The following HEATR4 variants were observed in gnomAD, a reference collection of about 807,000 sequenced individuals.
The protein encoded by HEATR4 is HEAT repeat-containing protein 4.
In HEATR4, 95 loss-of-function variants were observed where a neutral mutation model predicts 108.8. That is an observed-to-expected ratio of 0.87 (90% CI 0.74 to 1.04). The LOEUF (loss-of-function observed/expected upper bound fraction) is 1.04. Among genes scored for constraint, HEATR4 ranks in the 50% least tolerant of loss-of-function variants. The probability of loss-of-function intolerance (pLI) is 0.00; values close to 1 mark genes in which losing one functional copy is unlikely to be tolerated. For synonymous variants in HEATR4, 443 were observed against 459.4 expected (o/e 0.96, Z 0.46); for missense variants, 1,152 against 1,253.8 (o/e 0.92, Z 1.23).
At chr14:73,628,107 C>G in the HEATR4 span, among the ~76,000 whole-genome samples, 1 of 152,122 alleles carries the variant, frequency 6.6e-6, no homozygotes, top group Non-Finnish European at 1.5e-5. Context: ...CTGTGTCTGG[C>G]TTTCAATTCT....
the HEATR4 span, among the ~76,000 whole-genome samples, chr14:73,632,172 G>A: frequency 1.3e-5 from 2 of 151,164 alleles, no homozygotes; most frequent in South Asian, 2.1e-4. Flanking sequence ...TGGGGGTCTC[G>A]TTATGTTGCC....
Position 73,509,870 on chromosome 14 carries a change from T to TA in HEATR4, c.1559-398_1559-397insT, listed in dbSNP as rs1887127494. On this transcript the variant is annotated intron_variant, in intron 7 of 17. Coordinates refer to ENST00000553558, the MANE Select transcript of HEATR4 (RefSeq NM_001220484.1). The stretch of plus-strand genomic sequence containing the variant: ...TATATATATATATATATATATATAT[T>TA]TATTTATTTTATATATTTTTTGAGA... Among the ~76,000 whole-genome samples, 18 of 65,120 alleles carry TA rather than the reference T, an allele frequency of 2.8e-4. 2 individuals carry two copies. Among genetic ancestry groups the TA allele is most frequent in the Non-Finnish European group, 4.3e-4 (13 of 30,484 alleles). The allele number at this position is 65,120 out of a possible 152,430, so 42.7% of individuals were successfully genotyped here. A position where few individuals can be genotyped will look rare whatever the true frequency, so the allele number is the denominator to read the frequency against.
At chr14:73,519,493 C>G (rs1887840331) in intron 4 of HEATR4, among the ~76,000 whole-genome samples, 1 of 152,148 alleles carries the variant, frequency 6.6e-6, no homozygotes, top group Non-Finnish European at 1.5e-5. Flanking sequence ...CACCTGTAAT[C>G]TCAGCACTTT....
chr14:73,560,340 A>C (rs1380460818), upstream of HEATR4, among the ~76,000 whole-genome samples: 1 of 152,044 alleles, frequency 6.6e-6, no homozygotes, highest in African/African-American at 2.4e-5. Context: ...GACCCCCATA[A>C]AAAGCAGAGG....
chr14:73,506,804 G>GTTTTTTTTTTTTTTTTTTTTTTT lies in HEATR4; in HGVS notation c.1882-234_1882-233insAAAAAAAAAAAAAAAAAAAAAAA, dbSNP rs34660727. 8.8e-4 allele frequency among the ~76,000 whole-genome samples: 71 copies of GTTTTTTTTTTTTTTTTTTTTTTT among 80,488 alleles called. 6 individuals carry two copies. The highest frequency in any genetic ancestry group is 4.0e-3 in the East Asian group (7 of 1,738). 52.8% of individuals were successfully genotyped at this position (80,488 alleles called of 152,430 possible). A position where few individuals can be genotyped will look rare whatever the true frequency, so the allele number is the denominator to read the frequency against. ...GGACCTTCCTTTCCTGACTTTAACT[G>GTTTTTTTTTTTTTTTTTTTTTTT]TTTTTTTTTTTTTTTTTTTTTCTGA... On this transcript the variant is annotated intron_variant, in intron 9 of 17. Transcript: ENST00000553558.
chr14:73,595,269 A>G, the HEATR4 span: 2 of 1,614,102 alleles, frequency 1.2e-6, no homozygotes, highest in African/African-American at 2.7e-5. Context: ...GACATTGTGG[A>G]TATAAGGAAT....
In HEATR4 at chr14:73,558,768, C is replaced by T. The variant is rs1403518473; in HGVS notation, c.-169G>A. On this transcript the variant is annotated 5_prime_UTR_variant, in exon 1 of 18. Coordinates refer to ENST00000553558, the MANE Select transcript of HEATR4 (RefSeq NM_001220484.1). ...GTACTGACCCTTTTGACACCTAATC[C>T]AAAGTTTTTTCAGCTACCTCAGGTT... 6.6e-6 allele frequency: 1 copy of T among 150,920 alleles called. No individual in the cohort carries two copies. Among genetic ancestry groups the T allele is most frequent in the Non-Finnish European group, 1.5e-5 (1 of 67,696 alleles). The allele number at this position is 150,920 out of a possible 1,614,324, so 9.3% of individuals were successfully genotyped here.
the HEATR4 span, among the ~76,000 whole-genome samples, chr14:73,600,858 G>A: frequency 0.18 from 27,703 of 152,016 alleles, 4,401 homozygotes; most frequent in African/African-American, 0.43. Flanking sequence ...GAACTTCTCG[G>A]CCAGGCGTGC....
intron 17 of HEATR4, among the ~76,000 whole-genome samples, chr14:73,487,184 C>CA (rs34910198): frequency 0.48 from 64,654 of 135,214 alleles, 16,262 homozygotes; most frequent in African/African-American, 0.54. Flanking sequence ...TGATTCAAAA[C>CA]AAAAAAAAAA....
chr14:73,550,534 G>A (rs7159371), intron 1 of HEATR4, among the ~76,000 whole-genome samples: 9,676 of 112,972 alleles, frequency 0.086, 2,284 homozygotes, highest in African/African-American at 0.25. Flanking sequence ...CCCGGAACAT[G>A]CTTATTAGCA....
the HEATR4 span, chr14:73,619,599 A>G: frequency 9.9e-6 from 16 of 1,614,114 alleles, no homozygotes; most frequent in African/African-American, 1.3e-4. Context: ...CTGAAAGGCT[A>G]CAAGCTCATG....
chr14:73,612,540 A>G, the HEATR4 span: 120 of 1,258,968 alleles, frequency 9.5e-5, no homozygotes, highest in Non-Finnish European at 1.2e-4. Context: ...GACTCCGCGG[A>G]GCTGGGTCGC....
intron 17 of HEATR4, among the ~76,000 whole-genome samples, chr14:73,487,476 G>C (rs936884458): frequency 7.9e-5 from 12 of 152,132 alleles, no homozygotes; most frequent in African/African-American, 2.7e-4. Flanking sequence ...TGAGGCAGGA[G>C]AAAATTGCTT....
At chr14:73,514,316 C>T in intron 5 of HEATR4, 82 bp from the exon 6 acceptor site, 1 of 1,293,098 alleles carries the variant, frequency 7.7e-7, no homozygotes, top group Non-Finnish European at 1.1e-6. Flanking sequence ...GCATCCCATT[C>T]CTATTCCTGA....
the HEATR4 span, chr14:73,569,771 C>T: frequency 4.4e-6 from 7 of 1,607,276 alleles, no homozygotes; most frequent in Admixed American, 1.7e-5. Context: ...ACGACCCCGA[C>T]CCCGGGCGGC....
At chr14:73,487,726 C>A (rs896961641) in intron 17 of HEATR4, among the ~76,000 whole-genome samples, 1 of 152,084 alleles carries the variant, frequency 6.6e-6, no homozygotes, top group African/African-American at 2.4e-5. Flanking sequence ...ACATGAATTA[C>A]CAGCACAATG....
the HEATR4 span, among the ~76,000 whole-genome samples, chr14:73,579,970 C>T: frequency 6.6e-6 from 1 of 152,122 alleles, no homozygotes; most frequent in African/African-American, 2.4e-5. Context: ...TGGTGGTGTG[C>T]ACCTGTAGTC....
At chr14:73,585,755 T>C in the HEATR4 span, among the ~76,000 whole-genome samples, 2 of 148,530 alleles carry the variant, frequency 1.3e-5, no homozygotes, top group African/African-American at 4.9e-5. Context: ...AAATCATTGC[T>C]GTGGAGGATA....
chr14:73,507,036 C>A (rs2140272636), intron 9 of HEATR4, among the ~76,000 whole-genome samples: 1 of 152,114 alleles, frequency 6.6e-6, no homozygotes, highest in South Asian at 2.1e-4. Context: ...TTCCTGACCT[C>A]AGGTGATCTG....
Sources: gnomAD v4.1 joint callset for allele counts (sites outside exome capture counted in the v4.1 genomes callset) on GRCh38, gnomAD v4.1.1 for gene constraint, MANE v1.5 for transcripts, NCBI Gene and HGNC (gene_info 2026-07-23, HGNC 2026-07-21) for gene names.